PLA2R1: variants seen among roughly 807,000 people sequenced by gnomAD.
The protein encoded by PLA2R1 is phospholipase A2 receptor 1.
PLA2R1 carries 158 observed loss-of-function variants against 195.9 expected under a neutral mutation model. The ratio of observed to expected loss-of-function variants is 0.81; its 90% confidence interval spans 0.71 to 0.92. The LOEUF (loss-of-function observed/expected upper bound fraction) is 0.92, where lower values mean the gene tolerates loss of function less well. Among genes scored for constraint, PLA2R1 ranks in the 40% least tolerant of loss-of-function variants. The pLI, the probability that PLA2R1 is intolerant of heterozygous loss-of-function variation, is 0.00. For synonymous variants in PLA2R1, 586 were observed against 598.2 expected, an observed-to-expected ratio of 0.98 and a Z score of 0.30; for missense variants, 1,626 against 1,764.6, an observed-to-expected ratio of 0.92 and a Z score of 1.41.
chr2:160,036,220 C>T (rs1212183393), intron 3 of PLA2R1, among the ~76,000 whole-genome samples: 2 of 152,200 alleles, frequency 1.3e-5, no homozygotes, highest in African/African-American at 4.8e-5. Flanking sequence ...CTCTACATAA[C>T]TGACTCACAT....
intron 20 of PLA2R1, among the ~76,000 whole-genome samples, chr2:159,961,452 C>T (rs62176719): frequency 0.18 from 27,119 of 152,120 alleles, 2,808 homozygotes; most frequent in Middle Eastern, 0.42. Flanking sequence ...ATCTTCAGGA[C>T]GTCTCCTGCA....
intron 27 of PLA2R1, chr2:159,946,004 C>T (rs552687718): frequency 2.0e-6 from 2 of 983,614 alleles, no homozygotes; most frequent in East Asian, 1.1e-4. Context: ...TTCATCATTA[C>T]AAAATGGCTC....
chr2:160,013,024 T>C (rs1692471686), intron 10 of PLA2R1, among the ~76,000 whole-genome samples: 1 of 152,216 alleles, frequency 6.6e-6, no homozygotes, highest in African/African-American at 2.4e-5. Context: ...GCTGGATAAT[T>C]AATAAATCTT....
At chr2:160,051,121 C>T (rs188544531) in intron 1 of PLA2R1, among the ~76,000 whole-genome samples, 241 of 152,308 alleles carry the variant, frequency 1.6e-3, no homozygotes, top group Non-Finnish European at 2.2e-3. Context: ...GCATTTTAGG[C>T]AAACAAAGGA....
At position 159,942,036 on chromosome 2, in the gene PLA2R1, C is replaced by T. The variant is rs116670608; in HGVS notation, c.4178-44G>A. ...CTTAAAAAAAGAAAAACTTCAGTGG[C>T]GATGAAGTAATATAGATACTGTCAT... On this transcript the variant is annotated intron_variant, in intron 29 of 29. Coordinates refer to ENST00000283243, the MANE Select transcript of PLA2R1 (RefSeq NM_007366.5). The T allele has an allele frequency of 1.0e-3, 1,612 of 1,566,150 alleles. 11 individuals are homozygous for T. The African/African-American group carries it at 0.014, about 14-fold the overall frequency.
chr2:159,947,586 C>A, intron 25 of PLA2R1, 27 bp from the exon 26 acceptor site: 1 of 1,609,592 alleles, frequency 6.2e-7, no homozygotes, highest in Non-Finnish European at 8.5e-7. Context: ...GTTATGATTT[C>A]AGGGTGGTGA....
chr2:160,035,135 C>T (rs1175986875), intron 3 of PLA2R1, among the ~76,000 whole-genome samples: 1 of 152,164 alleles, frequency 6.6e-6, no homozygotes, highest in Non-Finnish European at 1.5e-5. Flanking sequence ...ATCTAAAACA[C>T]TTTTGGGCCC....
At chr2:160,046,692 T>C (rs751068808) in intron 1 of PLA2R1, among the ~76,000 whole-genome samples, 56 of 152,208 alleles carry the variant, frequency 3.7e-4, no homozygotes, top group South Asian at 1.0e-3. Context: ...GTCAGAGAAT[T>C]GCTTTGATCA....
intron 1 of PLA2R1, among the ~76,000 whole-genome samples, chr2:160,056,487 G>A (rs191869305): frequency 3.1e-4 from 47 of 152,210 alleles, no homozygotes; most frequent in African/African-American, 1.0e-3. Flanking sequence ...CCAAGAATAG[G>A]TCCATCTCCA....
chr2:160,044,021 C>T (rs1418156500), intron 2 of PLA2R1, among the ~76,000 whole-genome samples: 6 of 151,892 alleles, frequency 4.0e-5, no homozygotes, highest in Non-Finnish European at 5.9e-5. Flanking sequence ...CAGTGCTATA[C>T]AAAAATGCGG....
chr2:160,035,839 T>C (rs908969928), intron 3 of PLA2R1, among the ~76,000 whole-genome samples: 1 of 152,190 alleles, frequency 6.6e-6, no homozygotes, highest in African/African-American at 2.4e-5. Context: ...ATGTATACCT[T>C]GTTTAAGGCC....
chr2:159,956,535 G>A lies in PLA2R1; in HGVS notation c.2997C>T (p.Val999=), dbSNP rs758969986. 9 of 1,611,442 alleles carry A rather than the reference G, an allele frequency of 5.6e-6. No homozygotes were observed. Among genetic ancestry groups the A allele is most frequent in the African/African-American group, 1.3e-5 (1 of 74,814 alleles). ...CTTGCTCCACCTCACTTTCAATGGC[G>A]ACCAGGGTCCCCCCTTCTTCAGCAC... ...HFCAEEGGTL[V]AIESEVEQAF... Residue 999 remains valine (V), a synonymous_variant, in exon 21 of 30, where the codon GTC becomes GTT. Transcript: ENST00000283243.
In PLA2R1 at chr2:160,042,106, C is replaced by T; in HGVS notation, c.586G>A (p.Gly196Ser). ...CACCACAGTAAGTCATCTTCCCGAC[C>T]TTCACGGGTACATTCATGATGCCAC... ...HQWHHECTRE[G>S]REDDLLWCAT... Residue 196 changes from glycine (G) to serine (S), a missense_variant, in exon 3 of 30, where the codon GGT becomes AGT. Physicochemically the swap from Gly to Ser is moderately conservative, Grantham distance 56. Transcript: ENST00000283243. The T allele has an allele frequency of 1.2e-6, 2 of 1,614,182 alleles. No individual in the cohort carries two copies. The highest frequency in any genetic ancestry group is 1.7e-6 in the Non-Finnish European group (2 of 1,179,972).
chr2:160,012,535 G>A (rs1403012307), intron 10 of PLA2R1, among the ~76,000 whole-genome samples: 1 of 152,150 alleles, frequency 6.6e-6, no homozygotes, highest in Non-Finnish European at 1.5e-5. Context: ...TGAAGGATTT[G>A]AATATCCTCC....
rs1281534109 is a variant in PLA2R1 at position 159,955,059 on chromosome 2, T to C, written c.3301+140A>G. 7 of 627,292 alleles carry C rather than the reference T, an allele frequency of 1.1e-5. No individual in the cohort carries two copies. In the Admixed American group the frequency reaches 1.6e-4, roughly 14 times the overall value. 38.9% of individuals were successfully genotyped at this position (627,292 alleles called of 1,614,324 possible). ...AGAGGAGATTAAATAACTAAACTTA[T>C]GTAAAGCCAAAGAAGAAGTGCCTGA... On this transcript the variant is annotated intron_variant, in intron 23 of 29. Coordinates refer to ENST00000283243, the MANE Select transcript of PLA2R1 (RefSeq NM_007366.5).
Position 159,947,462 on chromosome 2 carries a change from G to A in PLA2R1, c.3807C>T (p.Asp1269=), listed in dbSNP as rs145395478. The change falls in exon 26 of 30, where the codon GAC becomes GAT. Residue 1269 remains aspartate (D), a synonymous_variant. Coordinates refer to ENST00000283243, the MANE Select transcript of PLA2R1 (RefSeq NM_007366.5). ...SNCYSFSTVL[D]SMSFEAAHEF... ...CATGAGCAGCCTCAAAACTCATACT[G>A]TCTAGGACTGTAGAAAAACTGTAGC... 1.2e-6 allele frequency: 2 copies of A among 1,613,096 alleles called. No individual in the cohort carries two copies. The highest frequency in any genetic ancestry group is 2.7e-5 in the African/African-American group (2 of 74,866).
At chr2:160,007,645 AACT>A (rs200860248) in intron 10 of PLA2R1, among the ~76,000 whole-genome samples, 1,930 of 152,318 alleles carry the variant, frequency 0.013, 26 homozygotes, top group African/African-American at 0.044. Flanking sequence ...CATGGGAATA[AACT>A]ACACAAAGAC....
In PLA2R1 at chr2:159,969,341, T is replaced by G. The variant is rs769343263; in HGVS notation, c.2679A>C (p.Pro893=). 1 of 1,595,116 alleles carries G rather than the reference T, an allele frequency of 6.3e-7. No individual in the cohort carries two copies. Among genetic ancestry groups the G allele is most frequent in the South Asian group, 1.1e-5 (1 of 90,604 alleles). The change falls in exon 19 of 30, where the codon CCA becomes CCC. Residue 893 remains proline, a synonymous_variant. Transcript: ENST00000283243. ...CTGTGTCCCAGTTCTGGTATATCAC[T>G]GGTGTTCCATCTCTCCAGCTGTGGG... ...NDEFRWRDGT[P]VIYQNWDTGR... is the part of the protein sequence containing the mutation.
intron 6 of PLA2R1, 131 bp from the exon 7 acceptor site, chr2:160,022,990 T>C (rs1693243761): frequency 3.2e-6 from 2 of 627,094 alleles, no homozygotes; most frequent in South Asian, 4.4e-5. Context: ...AAATGACATA[T>C]ATCATGGAAT....
Sources: gnomAD v4.1 joint callset for allele counts (sites outside exome capture counted in the v4.1 genomes callset) on GRCh38, gnomAD v4.1.1 for gene constraint, MANE v1.5 for transcripts, NCBI Gene and HGNC (gene_info 2026-07-23, HGNC 2026-07-21) for gene names.